The following RNGTT variants were observed in gnomAD, a reference collection of about 807,000 sequenced individuals.
RNGTT encodes the protein RNA guanylyltransferase and 5'-phosphatase.
Under a neutral mutation model 79.3 loss-of-function variants are expected in RNGTT, and 33 were observed. The ratio of observed to expected loss-of-function variants is 0.42; its 90% CI spans 0.32 to 0.56. The LOEUF (loss-of-function observed/expected upper bound fraction) is 0.56, where lower values mean the gene tolerates loss of function less well. RNGTT is among the 20% of genes least tolerant of loss of function. The pLI, the probability that RNGTT is intolerant of heterozygous loss-of-function variation, is 0.17. For missense variants in RNGTT, 497 were observed against 739.1 expected (o/e 0.67, Z 3.80); for synonymous variants, 222 against 235.9 (o/e 0.94, Z 0.54).
chr6:88,826,673 C>T (rs1002104414), intron 11 of RNGTT, among the ~76,000 whole-genome samples: 2 of 151,150 alleles, frequency 1.3e-5, no homozygotes, highest in Admixed American at 6.6e-5. Context: ...ATCTCAACTA[C>T]TTGGGAGGCT....
At chr6:88,709,530 C>T (rs556193795) in intron 13 of RNGTT, among the ~76,000 whole-genome samples, 5 of 152,064 alleles carry the variant, frequency 3.3e-5, no homozygotes, top group Non-Finnish European at 7.4e-5. Flanking sequence ...ATAGTGCTAT[C>T]TAGAAATACA....
chr6:88,612,709 C>T lies in RNGTT; in HGVS notation c.*10G>A, dbSNP rs1465023374. 5.6e-6 allele frequency: 9 copies of T among 1,602,510 alleles called. No homozygotes were observed. The highest frequency in any genetic ancestry group is 7.7e-6 in the Non-Finnish European group (9 of 1,174,258). On this transcript the variant is annotated 3_prime_UTR_variant, in exon 16 of 16. Coordinates refer to ENST00000369485, the MANE Select transcript of RNGTT (RefSeq NM_003800.5). ...CTCTTTCTTCTTAACCCTCAAGTCA[C>T]AGGCAGGTCTTAGGTTAAAGGGCGT...
chr6:88,929,654 T>C (rs1464423322), intron 2 of RNGTT, among the ~76,000 whole-genome samples: 1 of 152,076 alleles, frequency 6.6e-6, no homozygotes, highest in East Asian at 1.9e-4. Context: ...CTATCTGAAG[T>C]ATACCACAAC....
intron 11 of RNGTT, among the ~76,000 whole-genome samples, chr6:88,830,603 A>C (rs1354331035): frequency 6.6e-6 from 1 of 151,580 alleles, no homozygotes; most frequent in Non-Finnish European, 1.5e-5. Context: ...AGAGAGAGAG[A>C]GACACAAAAA....
intron 13 of RNGTT, among the ~76,000 whole-genome samples, chr6:88,765,415 T>A (rs7742936): frequency 2.0e-5 from 3 of 152,194 alleles, no homozygotes; most frequent in Non-Finnish European, 4.4e-5. Flanking sequence ...CAAACATTTA[T>A]TTATTGAGTT....
In RNGTT at chr6:88,757,843, T is replaced by G. The variant is rs1306609036; in HGVS notation, c.1439+11931A>C. Among the ~76,000 whole-genome samples the G allele has an allele frequency of 1.4e-4, 21 of 152,314 alleles. No homozygotes were observed. The East Asian group carries it at 4.0e-3, about 29-fold the overall frequency. On this transcript the variant is annotated intron_variant, in intron 13 of 15. Coordinates refer to ENST00000369485, the MANE Select transcript of RNGTT (RefSeq NM_003800.5). ...AGGCCAACCATGTAGCTAAATTTTT[T>G]GAAAGTTAATTCTAAACTCTTTGAA...
At chr6:88,654,972 T>C (rs1256878947) in intron 14 of RNGTT, among the ~76,000 whole-genome samples, 1 of 152,238 alleles carries the variant, frequency 6.6e-6, no homozygotes, top group East Asian at 1.9e-4. Flanking sequence ...GGAAATATAT[T>C]TTGTGCAGGT....
At chr6:88,620,179 G>C (rs559841305) in intron 14 of RNGTT, among the ~76,000 whole-genome samples, 6 of 152,300 alleles carry the variant, frequency 3.9e-5, no homozygotes, top group African/African-American at 1.2e-4. Flanking sequence ...CCAGCAACAG[G>C]AAGTTTCTCC....
intron 12 of RNGTT, among the ~76,000 whole-genome samples, chr6:88,795,845 C>G (rs994350461): frequency 1.3e-5 from 2 of 151,988 alleles, no homozygotes; most frequent in African/African-American, 4.8e-5. Context: ...GTGTAGGAGC[C>G]TGCCTATTGC....
At chr6:88,958,828 C>T (rs36032033) in intron 1 of RNGTT, among the ~76,000 whole-genome samples, 14,706 of 152,230 alleles carry the variant, frequency 0.097, 926 homozygotes, top group Middle Eastern at 0.2. Context: ...AGAAGAACTA[C>T]CATTTGATCC....
rs141488711 is a variant in RNGTT, at chr6:88,730,301, C to T, written c.1439+39473G>A. 1.3e-3 allele frequency among the ~76,000 whole-genome samples: 195 copies of T among 152,244 alleles called. 2 individuals are homozygous for T. The highest frequency in any genetic ancestry group is 4.5e-3 in the African/African-American group (189 of 41,552). Reference sequence around the variant, plus strand: ...CCTGCTCTGTAATAACCATTTTTCCCGCCAAACCACTCACCCTGTCACTCT... The same window carrying T: ...CCTGCTCTGTAATAACCATTTTTCCTGCCAAACCACTCACCCTGTCACTCT... On this transcript the variant is annotated intron_variant, in intron 13 of 15. Coordinates refer to ENST00000369485, the MANE Select transcript of RNGTT (RefSeq NM_003800.5).
rs528210818 is a variant in RNGTT at position 88,822,953 on chromosome 6, C to G, written c.1270-21321G>C. Reference sequence around the variant, plus strand: ...ACATTAATTTGAGACAGATAATACACCCAAACATAAAAACTAAGCCACAGG... The same window carrying G: ...ACATTAATTTGAGACAGATAATACAGCCAAACATAAAAACTAAGCCACAGG... On this transcript the variant is annotated intron_variant, in intron 11 of 15. Coordinates refer to ENST00000369485, the MANE Select transcript of RNGTT (RefSeq NM_003800.5). Among the ~76,000 whole-genome samples the G allele has an allele frequency of 4.6e-5, 7 of 152,232 alleles. No individual in the cohort carries two copies. In the South Asian group the frequency reaches 1.5e-3, roughly 32 times the overall value.
At chr6:88,843,096 A>G (rs1781354757) in intron 11 of RNGTT, among the ~76,000 whole-genome samples, 1 of 151,030 alleles carries the variant, frequency 6.6e-6, no homozygotes, top group Non-Finnish European at 1.5e-5. Flanking sequence ...ACAAAACAAA[A>G]CAAAAAACTC....
chr6:88,809,731 T>A (rs1303942032), intron 11 of RNGTT, among the ~76,000 whole-genome samples: 1 of 152,134 alleles, frequency 6.6e-6, no homozygotes, highest in African/African-American at 2.4e-5. Flanking sequence ...CAGAAAATTT[T>A]GCTGCATGAA....
At chr6:88,721,130 C>T (rs1347504263) in intron 13 of RNGTT, among the ~76,000 whole-genome samples, 1 of 151,896 alleles carries the variant, frequency 6.6e-6, no homozygotes, top group African/African-American at 2.4e-5. Flanking sequence ...TAGAAAGGTA[C>T]CTAATTTTTA....
chr6:88,900,189 TA>T (rs527523989), intron 6 of RNGTT, among the ~76,000 whole-genome samples: 1 of 151,210 alleles, frequency 6.6e-6, no homozygotes, highest in Non-Finnish European at 1.5e-5. Context: ...AAAAAAAACT[TA>T]AAAAAAGATC....
chr6:88,802,730 T>C (rs1582478580), intron 11 of RNGTT, among the ~76,000 whole-genome samples: 1 of 152,160 alleles, frequency 6.6e-6, no homozygotes, highest in Non-Finnish European at 1.5e-5. Context: ...AGAATGAGTG[T>C]CAAGCAAAGG....
chr6:88,902,936 C>T (rs1783522602), intron 6 of RNGTT, among the ~76,000 whole-genome samples: 1 of 151,974 alleles, frequency 6.6e-6, no homozygotes, highest in Admixed American at 6.5e-5. Flanking sequence ...CCTCACGATC[C>T]ACCCACCTCG....
At chr6:88,817,055 T>C (rs1321191483) in intron 11 of RNGTT, among the ~76,000 whole-genome samples, 2 of 152,188 alleles carry the variant, frequency 1.3e-5, no homozygotes, top group Non-Finnish European at 2.9e-5. Flanking sequence ...AGTTTTAGCT[T>C]GTTGCAAGCT....
Sources: gnomAD v4.1 joint callset for allele counts (sites outside exome capture counted in the v4.1 genomes callset) on GRCh38, gnomAD v4.1.1 for gene constraint, MANE v1.5 for transcripts, NCBI Gene and HGNC (gene_info 2026-07-23, HGNC 2026-07-21) for gene names.